Variants in RIMKLB observed in about 807,000 individuals in gnomAD.
RIMKLB encodes ribosomal modification protein rimK like family member B.
Under a neutral mutation model 32.0 loss-of-function variants are expected in RIMKLB, and 7 were observed. That is an observed-to-expected ratio of 0.22 (90% CI 0.12 to 0.41). RIMKLB has a LOEUF of 0.41. Among genes scored for constraint, RIMKLB ranks in the 10% least tolerant of loss-of-function variants. The probability of loss-of-function intolerance (pLI) is 1.00; values close to 1 mark genes in which losing one functional copy is unlikely to be tolerated. For missense variants in RIMKLB, 289 were observed against 498.7 expected, an observed-to-expected ratio of 0.58 and a Z score of 4.00; for synonymous variants, 172 against 185.1, an observed-to-expected ratio of 0.93 and a Z score of 0.57.
intron 4 of RIMKLB, among the ~76,000 whole-genome samples, chr12:8,753,179 T>G (rs1292654321): frequency 6.6e-6 from 1 of 152,230 alleles, no homozygotes; most frequent in Non-Finnish European, 1.5e-5. Flanking sequence ...GCTTCTCCAG[T>G]AGAGCAGCCA....
upstream of RIMKLB, chr12:8,679,632 C>T (rs1942366213): frequency 6.6e-6 from 1 of 152,354 alleles, no homozygotes; most frequent in Admixed American, 6.5e-5. Flanking sequence ...CAAGAGGTAG[C>T]ACAGCAAATC....
chr12:8,773,681 GCGACC>G lies in RIMKLB; in HGVS notation c.1060_1064del (p.Asp354Ter). The G allele has an allele frequency of 6.2e-7, 1 of 1,614,260 alleles. No individual in the cohort carries two copies. The highest frequency in any genetic ancestry group is 8.5e-7 in the Non-Finnish European group (1 of 1,180,046). ...AGTGCAAGTTCCAGCTCTGTTGACAGCGACCCTGAAAGCACGGAGCGAGAGCTGCT... is the reference window on the plus strand; with the variant it reads ...AGTGCAAGTTCCAGCTCTGTTGACAGCTGAAAGCACGGAGCGAGAGCTGCT... On this transcript the variant is annotated frameshift_variant, in exon 6 of 6. Transcript: ENST00000535829. LOFTEE classifies it high-confidence loss of function.
At chr12:8,768,998 T>A (rs930492377) in intron 5 of RIMKLB, among the ~76,000 whole-genome samples, 2 of 152,222 alleles carry the variant, frequency 1.3e-5, no homozygotes, top group Admixed American at 6.5e-5. Flanking sequence ...CTAGTTTCTT[T>A]GGCTAGAACA....
At chr12:8,745,733 C>T (rs1204056903) in intron 2 of RIMKLB, among the ~76,000 whole-genome samples, 2 of 140,698 alleles carry the variant, frequency 1.4e-5, no homozygotes, top group African/African-American at 2.7e-5. Flanking sequence ...TTCACTCTGT[C>T]GCCGAGGCTG....
chr12:8,672,353 G>T, the RIMKLB span, among the ~76,000 whole-genome samples: 1 of 152,144 alleles, frequency 6.6e-6, no homozygotes, highest in Non-Finnish European at 1.5e-5. Flanking sequence ...CCACTCTGTT[G>T]GTACCAGTTT....
At chr12:8,738,100 T>C (rs1947184349) in intron 2 of RIMKLB, among the ~76,000 whole-genome samples, 1 of 152,166 alleles carries the variant, frequency 6.6e-6, no homozygotes, top group Admixed American at 6.6e-5. Context: ...TTGCTTAAAT[T>C]GTCAGGGTTA....
chr12:8,747,322 C>G (rs1948188545), intron 2 of RIMKLB, among the ~76,000 whole-genome samples: 1 of 152,194 alleles, frequency 6.6e-6, no homozygotes, highest in South Asian at 2.1e-4. Context: ...CGCAGAGAGA[C>G]ACGCATATTG....
In RIMKLB at chr12:8,728,763, T is replaced by TTGTG. The variant is rs375795748; in HGVS notation, c.175+14744_175+14747dup. 2.9e-3 allele frequency among the ~76,000 whole-genome samples: 439 copies of TTGTG among 149,588 alleles called. 3 individuals are homozygous for TTGTG. The highest frequency in any genetic ancestry group is 5.3e-3 in the African/African-American group (216 of 40,790). On this transcript the variant is annotated intron_variant, in intron 2 of 5. Transcript: ENST00000535829. Reference sequence around the variant, plus strand: ...GTAGTCTGCCACCATGCTCTGCTAATTGTGTGTGTGTGTGTGTGTGTGTGT... The same window carrying TTGTG: ...GTAGTCTGCCACCATGCTCTGCTAATTGTGTGTGTGTGTGTGTGTGTGTGTGTGT...
At chr12:8,753,024 G>A (rs1474773171) in intron 4 of RIMKLB, among the ~76,000 whole-genome samples, 2 of 152,168 alleles carry the variant, frequency 1.3e-5, no homozygotes, top group Admixed American at 6.5e-5. Flanking sequence ...GGTATTACAG[G>A]TGTGAGCCAC....
At chr12:8,753,321 C>G (rs753458527) in intron 4 of RIMKLB, among the ~76,000 whole-genome samples, 1 of 152,260 alleles carries the variant, frequency 6.6e-6, no homozygotes, top group South Asian at 2.1e-4. Context: ...CACAAGCCCT[C>G]CTAGATTCAG....
chr12:8,698,955 C>T (rs956838994), intron 1 of RIMKLB, among the ~76,000 whole-genome samples: 2 of 151,694 alleles, frequency 1.3e-5, no homozygotes, highest in Non-Finnish European at 2.9e-5. Flanking sequence ...GCCCCTCACC[C>T]CCCCCCAAAA....
At chr12:8,728,986 A>T (rs1403651608) in intron 2 of RIMKLB, among the ~76,000 whole-genome samples, 1 of 151,884 alleles carries the variant, frequency 6.6e-6, no homozygotes, top group Non-Finnish European at 1.5e-5. Context: ...TCCACCCCTC[A>T]TGGGAGGGGG....
At chr12:8,723,788 G>A (rs1228251267) in intron 2 of RIMKLB, among the ~76,000 whole-genome samples, 1 of 145,876 alleles carries the variant, frequency 6.9e-6, no homozygotes, top group Non-Finnish European at 1.5e-5. Context: ...AATTCTCATA[G>A]GCTTTCTTCA....
chr12:8,695,192 C>T (rs1399499904), upstream of RIMKLB, among the ~76,000 whole-genome samples: 2 of 123,976 alleles, frequency 1.6e-5, no homozygotes, highest in South Asian at 2.5e-4. Context: ...CACCGCCCCG[C>T]CCCCCCGCCC....
chr12:8,775,433 C>G lies in RIMKLB; in HGVS notation c.*1649C>G. On this transcript the variant is annotated 3_prime_UTR_variant, in exon 6 of 6. Coordinates refer to ENST00000535829, the MANE Select transcript of RIMKLB (RefSeq NM_001297776.2). The stretch of plus-strand genomic sequence containing the variant: ...GATGGTATGTTAAGAAATGGAGATG[C>G]TGCAGAGCCCAACGTAATTTTTTAA... 1 of 985,540 alleles carries G rather than the reference C, an allele frequency of 1.0e-6. No individual in the cohort carries two copies. The highest frequency in any genetic ancestry group is 1.2e-6 in the Non-Finnish European group (1 of 829,878). 61.0% of individuals were successfully genotyped at this position (985,540 alleles called of 1,614,324 possible).
At chr12:8,758,012 T>C (rs917343929) in intron 5 of RIMKLB, among the ~76,000 whole-genome samples, 1 of 151,738 alleles carries the variant, frequency 6.6e-6, no homozygotes, top group African/African-American at 2.4e-5. Context: ...CCCAGGCAGG[T>C]CTCGAACTCC....
At chr12:8,749,118 T>C (rs1948408363) in intron 2 of RIMKLB, among the ~76,000 whole-genome samples, 1 of 152,182 alleles carries the variant, frequency 6.6e-6, no homozygotes, top group Non-Finnish European at 1.5e-5. Flanking sequence ...AGATTGAGAA[T>C]TGCATAGGGC....
chr12:8,711,206 C>T (rs1019649357), intron 1 of RIMKLB, among the ~76,000 whole-genome samples: 5 of 151,780 alleles, frequency 3.3e-5, no homozygotes, highest in Non-Finnish European at 7.4e-5. Context: ...TGCACTCCAG[C>T]CTGGGTGGCA....
chr12:8,721,041 T>A (rs1945395855), intron 2 of RIMKLB, among the ~76,000 whole-genome samples: 1 of 152,242 alleles, frequency 6.6e-6, no homozygotes, highest in African/African-American at 2.4e-5. Context: ...AGGATATGGT[T>A]TAAAAAGGAG....
Sources: gnomAD v4.1 joint callset for allele counts (sites outside exome capture counted in the v4.1 genomes callset) on GRCh38, gnomAD v4.1.1 for gene constraint, MANE v1.5 for transcripts, NCBI Gene and HGNC (gene_info 2026-07-23, HGNC 2026-07-21) for gene names.